The following ASAH2B variants were observed in gnomAD, a reference collection of about 807,000 sequenced individuals.
ASAH2B encodes the protein N-acylsphingosine amidohydrolase 2B, also known as putative inactive neutral ceramidase B.
In ASAH2B, 1 loss-of-function variant was observed where a neutral mutation model predicts 2.9. That is an observed-to-expected ratio of 0.34 (90% CI 0.12 to 1.63). The LOEUF (loss-of-function observed/expected upper bound fraction) is 1.63. Among genes scored for constraint, ASAH2B ranks in the 40% most tolerant of loss-of-function variants. The probability of loss-of-function intolerance (pLI) is 0.36; values close to 1 mark genes in which losing one functional copy is unlikely to be tolerated. For missense variants in ASAH2B, 9 were observed against 37.7 expected (o/e 0.24, Z 1.99); for synonymous variants, 4 against 13.3 (o/e 0.30, Z 1.52).
intron 1 of ASAH2B, among the ~76,000 whole-genome samples, 191 bp downstream of exon 1, chr10:50,740,174 C>T (rs999576234): frequency 1.3e-5 from 2 of 152,060 alleles, no homozygotes; most frequent in African/African-American, 4.8e-5. Flanking sequence ...GGGTGAATCC[C>T]TGCAGAGAGC....
chr10:50,747,389 A>T (rs1303726083), intron 3 of ASAH2B, among the ~76,000 whole-genome samples: 1 of 151,160 alleles, frequency 6.6e-6, no homozygotes, highest in Non-Finnish European at 1.5e-5. Context: ...TGATTACTAT[A>T]GCTTTGTAGT....
At chr10:50,746,742 C>T (rs1196300815) in intron 3 of ASAH2B, among the ~76,000 whole-genome samples, 2 of 150,282 alleles carry the variant, frequency 1.3e-5, no homozygotes, top group African/African-American at 5.0e-5. Context: ...TGCATTTCTT[C>T]GATGATCACT....
Position 50,758,632 on chromosome 10 carries a change from A to T in ASAH2B, c.*3892A>T, listed in dbSNP as rs1837142399. ...GAAAATATATTTTGGAAAAGAACACACATTGGAATAATGACGAAAAAAATT... is the reference window on the plus strand; with the variant it reads ...GAAAATATATTTTGGAAAAGAACACTCATTGGAATAATGACGAAAAAAATT... On this transcript the variant is annotated 3_prime_UTR_variant, in exon 6 of 6. Coordinates refer to ENST00000647317, the MANE Select transcript of ASAH2B (RefSeq NM_001321958.2). The T allele has an allele frequency of 6.6e-6, 1 of 152,132 alleles. No individual in the cohort carries two copies. Among genetic ancestry groups the T allele is most frequent in the East Asian group, 1.9e-4 (1 of 5,166 alleles). The allele number at this position is 152,132 out of a possible 1,614,324, so 9.4% of individuals were successfully genotyped here.
intron 1 of ASAH2B, among the ~76,000 whole-genome samples, chr10:50,740,710 C>A (rs558264530): frequency 6.6e-6 from 1 of 152,146 alleles, no homozygotes; most frequent in Non-Finnish European, 1.5e-5. Flanking sequence ...CACCCTTTCC[C>A]GCTTTTTTTC....
chr10:50,744,837 A>T (rs1322382065), intron 2 of ASAH2B: 34 of 435,040 alleles, frequency 7.8e-5, no homozygotes, highest in Non-Finnish European at 1.2e-4. Context: ...AGACAATTTG[A>T]AAGTATGCTT....
intron 3 of ASAH2B, among the ~76,000 whole-genome samples, chr10:50,748,204 T>C (rs2132725449): frequency 1.8e-5 from 2 of 111,122 alleles, no homozygotes; most frequent in South Asian, 6.3e-4. Flanking sequence ...AATATAAAAG[T>C]TGTTGTTGCT....
Position 50,757,736 on chromosome 10 carries a change from G to A in ASAH2B, c.*2996G>A, listed in dbSNP as rs1401283173. 1.3e-4 allele frequency: 20 copies of A among 150,650 alleles called. No homozygotes were observed. Among genetic ancestry groups the A allele is most frequent in the African/African-American group, 4.4e-4 (18 of 41,254 alleles). The allele number at this position is 150,650 out of a possible 1,614,324, so 9.3% of individuals were successfully genotyped here. A position where few individuals can be genotyped will look rare whatever the true frequency, so the allele number is the denominator to read the frequency against. On this transcript the variant is annotated 3_prime_UTR_variant, in exon 6 of 6. Coordinates refer to ENST00000647317, the MANE Select transcript of ASAH2B (RefSeq NM_001321958.2). ...ATATTGGCTTCCAAAATTTTAGAGT[G>A]ATAGGGTATCGGAGAGGGAAATTTG...
chr10:50,740,968 T>C (rs946511659), intron 1 of ASAH2B, among the ~76,000 whole-genome samples: 3 of 152,224 alleles, frequency 2.0e-5, no homozygotes, highest in African/African-American at 7.2e-5. Context: ...GTACTAAAAG[T>C]AATACTGCGA....
intron 3 of ASAH2B, among the ~76,000 whole-genome samples, chr10:50,745,556 A>G (rs1302971524): frequency 7.6e-6 from 1 of 131,098 alleles, no homozygotes; most frequent in Non-Finnish European, 1.6e-5. Context: ...AGTCAAGGAT[A>G]GGAAAAACAT....
chr10:50,740,009 G>C (rs1342482310), intron 1 of ASAH2B, 26 bp downstream of exon 1: 1 of 161,926 alleles, frequency 6.2e-6, no homozygotes, highest in Non-Finnish European at 1.5e-5. Flanking sequence ...TGGGGTAGGC[G>C]GCAGTGGGGT....
intron 3 of ASAH2B, among the ~76,000 whole-genome samples, chr10:50,745,643 T>C (rs1564470771): frequency 1.3e-5 from 2 of 148,930 alleles, no homozygotes; most frequent in Non-Finnish European, 3.0e-5. Flanking sequence ...AATCAGTTAT[T>C]AGTTTCAACA....
rs1319963165 is a variant in ASAH2B at position 50,757,771 on chromosome 10, T to C, written c.*3031T>C. ...CGGAGAGGGAAATTTGCACATTCCT[T>C]ATGCAATTTGTTAGTATGCATTCAG... On this transcript the variant is annotated 3_prime_UTR_variant, in exon 6 of 6. Transcript: ENST00000647317. 1 of 151,234 alleles carries C rather than the reference T, an allele frequency of 6.6e-6. No homozygotes were observed. The highest frequency in any genetic ancestry group is 1.5e-5 in the Non-Finnish European group (1 of 67,548). The allele number at this position is 151,234 out of a possible 1,614,324, so 9.4% of individuals were successfully genotyped here.
intron 2 of ASAH2B, among the ~76,000 whole-genome samples, chr10:50,744,895 A>C (rs1167655781): frequency 6.6e-6 from 1 of 151,462 alleles, no homozygotes; most frequent in African/African-American, 2.4e-5. Flanking sequence ...AGGGGAATAA[A>C]AGAGTTGCCT....
intron 2 of ASAH2B, chr10:50,744,587 T>C (rs1839880469): frequency 1.3e-5 from 2 of 151,762 alleles, no homozygotes; most frequent in Admixed American, 6.6e-5. Context: ...TTTATGACAC[T>C]ATTAAAAATG....
At chr10:50,746,214 A>T (rs1202551997) in intron 3 of ASAH2B, among the ~76,000 whole-genome samples, 1 of 151,306 alleles carries the variant, frequency 6.6e-6, no homozygotes, top group African/African-American at 2.4e-5. Context: ...TATGAGTTTA[A>T]CTCTTGAAGG....
chr10:50,747,048 G>A (rs1403258441), intron 3 of ASAH2B, among the ~76,000 whole-genome samples: 4 of 148,928 alleles, frequency 2.7e-5, no homozygotes, highest in Non-Finnish European at 5.9e-5. Flanking sequence ...TTTTGCATTA[G>A]GGGTCATATT....
intron 1 of ASAH2B, among the ~76,000 whole-genome samples, chr10:50,740,593 G>A (rs2132716609): frequency 6.6e-6 from 1 of 152,316 alleles, no homozygotes; most frequent in South Asian, 2.1e-4. Context: ...TCCTCTGCAA[G>A]TCAGATCATA....
chr10:50,747,165 A>G (rs1028186352), intron 3 of ASAH2B, among the ~76,000 whole-genome samples: 2 of 149,932 alleles, frequency 1.3e-5, no homozygotes, highest in African/African-American at 4.9e-5. Context: ...TCTTTAATCA[A>G]TTTTGAGTTA....
At chr10:50,744,527 G>C (rs1266159123) in intron 2 of ASAH2B, among the ~76,000 whole-genome samples, 1 of 151,496 alleles carries the variant, frequency 6.6e-6, no homozygotes, top group African/African-American at 2.4e-5. Flanking sequence ...AATTACTTTT[G>C]TACCAACCTA....
Sources: allele counts gnomAD v4.1 joint callset (sites outside exome capture counted in the v4.1 genomes callset), GRCh38; gene constraint gnomAD v4.1.1; transcripts MANE v1.5; gene names NCBI Gene and HGNC (gene_info 2026-07-23, HGNC 2026-07-21).